DNAH12: variants seen among roughly 807,000 people sequenced by gnomAD.
DNAH12 encodes dynein axonemal heavy chain 12.
A neutral mutation model predicts 371.5 loss-of-function variants in DNAH12; 285 were observed. The observed-to-expected ratio is 0.77, with a 90% confidence interval of 0.70 to 0.85. The LOEUF (loss-of-function observed/expected upper bound fraction) is 0.85. DNAH12 is among the 40% of genes least tolerant of loss of function. The probability of loss-of-function intolerance (pLI) is 0.00; values close to 1 mark genes in which losing one functional copy is unlikely to be tolerated. For synonymous variants in DNAH12, 1,200 were observed against 1,213.0 expected (o/e 0.99, Z 0.22); for missense variants, 3,611 against 3,689.4 (o/e 0.98, Z 0.55).
At chr3:57,386,714 C>T (rs2063505901) in intron 46 of DNAH12, 111 bp from the exon 47 acceptor site, 1 of 152,182 alleles carries the variant, frequency 6.6e-6, no homozygotes, top group South Asian at 2.1e-4. Context: ...TATACAGAAG[C>T]TACTGAGTAC....
chr3:57,427,631 G>A (rs9810958), intron 34 of DNAH12, among the ~76,000 whole-genome samples: 13,411 of 151,954 alleles, frequency 0.088, 2,010 homozygotes, highest in African/African-American at 0.3. Context: ...CAGAGGTTGC[G>A]GTGAACCAAG....
chr3:57,554,864 G>A, the DNAH12 span, among the ~76,000 whole-genome samples: 3 of 151,782 alleles, frequency 2.0e-5, no homozygotes, highest in Admixed American at 6.6e-5. Context: ...CGATCCACCC[G>A]CCTCAGCCTC....
intron 49 of DNAH12, among the ~76,000 whole-genome samples, chr3:57,384,244 T>A (rs2063455663): frequency 6.6e-6 from 1 of 152,166 alleles, no homozygotes. Context: ...ACTTAACATA[T>A]GCCTGCTGGT....
intron 13 of DNAH12, among the ~76,000 whole-genome samples, chr3:57,475,776 A>C (rs1248994512): frequency 1.3e-5 from 2 of 152,222 alleles, no homozygotes; most frequent in Non-Finnish European, 2.9e-5. Context: ...AATTTAATCC[A>C]TCTCACAATT....
intron 2 of DNAH12, among the ~76,000 whole-genome samples, chr3:57,530,156 G>A (rs1159317483): frequency 6.6e-6 from 1 of 152,054 alleles, no homozygotes; most frequent in African/African-American, 2.4e-5. Flanking sequence ...TTTTTTGAAT[G>A]TTTAAGCTGG....
rs1409057930 is a variant in DNAH12, at chr3:57,309,701, T to C, written c.11050A>G (p.Ile3684Val). ...ATATCTTTGGTAATTTCTAACAGAA[T>C]CTGATCAGTACTTCCTGAGGCTCCT... is the stretch of plus-strand genomic sequence containing the variant. ...QTGASGSTDQILLEITKDILN... is the reference protein window; with the variant it reads ...QTGASGSTDQVLLEITKDILN... Residue 3684 changes from isoleucine (I) to valine (V), a missense_variant, in exon 68 of 74, where the codon ATT becomes GTT. Transcript: ENST00000495027. 5 of 1,538,602 alleles carry C rather than the reference T, an allele frequency of 3.2e-6. No individual in the cohort carries two copies. The highest frequency in any genetic ancestry group is 4.4e-6 in the Non-Finnish European group (5 of 1,143,234).
Position 57,420,518 on chromosome 3 carries a change from T to A in DNAH12, c.5562+1000A>T, listed in dbSNP as rs7609829. On this transcript the variant is annotated intron_variant, in intron 36 of 73. Transcript: ENST00000495027. Reference sequence around the variant, plus strand: ...TTTACAGTCAAAAGATTTACAAGGTTAAGAAAAACAGCATTTCCCTACTGT... The same window carrying A: ...TTTACAGTCAAAAGATTTACAAGGTAAAGAAAAACAGCATTTCCCTACTGT... 4.6e-3 allele frequency among the ~76,000 whole-genome samples: 706 copies of A among 152,296 alleles called. 3 individuals are homozygous for A. The highest frequency in any genetic ancestry group is 0.015 in the African/African-American group (632 of 41,568).
Position 57,356,444 on chromosome 3 carries a change from AAAATAAATAAAT to A in DNAH12, c.9533+720_9533+731del, listed in dbSNP as rs1174174898. On this transcript the variant is annotated intron_variant, in intron 59 of 73. Coordinates refer to ENST00000495027, the MANE Select transcript of DNAH12 (RefSeq NM_001366028.2). ...GGTGACAGAGTGAGACCTTGTCTCAAAAATAAATAAATAAATAAATAAATAAATAAATAAATA... is the reference window on the plus strand; with the variant it reads ...GGTGACAGAGTGAGACCTTGTCTCAAAAATAAATAAATAAATAAATAAATA... Among the ~76,000 whole-genome samples the A allele has an allele frequency of 6.5e-3, 897 of 137,884 alleles. 3 individuals are homozygous for A. The highest frequency in any genetic ancestry group is 0.027 in the East Asian group (128 of 4,680). The allele number at this position is 137,884 out of a possible 152,430, so 90.5% of individuals were successfully genotyped here.
chr3:57,456,672 G>A (rs181197635), intron 22 of DNAH12, among the ~76,000 whole-genome samples: 1 of 152,244 alleles, frequency 6.6e-6, no homozygotes, highest in East Asian at 1.9e-4. Context: ...ATCCACATGT[G>A]CTAATGTGCA....
chr3:57,379,785 G>T (rs933603678), intron 51 of DNAH12, among the ~76,000 whole-genome samples: 23 of 130,414 alleles, frequency 1.8e-4, no homozygotes, highest in Non-Finnish European at 3.1e-4. Flanking sequence ...AGGTTGCAGT[G>T]AGCCAAGATC....
chr3:57,504,229 T>C (rs757645899), intron 8 of DNAH12, 25 bp from the exon 9 acceptor site: 146 of 1,582,132 alleles, frequency 9.2e-5, no homozygotes, highest in Non-Finnish European at 1.2e-4. Flanking sequence ...TCACTGTTAC[T>C]TTAGAGAGTA....
intron 23 of DNAH12, 119 bp from the exon 24 acceptor site, chr3:57,453,522 T>C: frequency 1.1e-6 from 1 of 940,410 alleles, no homozygotes; most frequent in Non-Finnish European, 1.5e-6. Context: ...AATATAGAAA[T>C]GAGTTCAAGC....
chr3:57,393,468 A>C (rs1467353338), intron 44 of DNAH12, among the ~76,000 whole-genome samples: 1 of 151,854 alleles, frequency 6.6e-6, no homozygotes, highest in African/African-American at 2.4e-5. Flanking sequence ...TCTACTGAAA[A>C]TACAAAAATT....
chr3:57,503,005 T>C (rs2067612594), intron 9 of DNAH12, among the ~76,000 whole-genome samples: 2 of 152,364 alleles, frequency 1.3e-5, no homozygotes, highest in Admixed American at 6.5e-5. Flanking sequence ...TACTATATTT[T>C]AAAACATTCT....
chr3:57,451,598 C>T lies in DNAH12; in HGVS notation c.3786+1245G>A, dbSNP rs544294839. On this transcript the variant is annotated intron_variant, in intron 25 of 73. Coordinates refer to ENST00000495027, the MANE Select transcript of DNAH12 (RefSeq NM_001366028.2). ...AGGTTGCAGTGAGCCATGATGGCGC[C>T]ACTGCATTCCAGCCTGGGCGGCAGA... Among the ~76,000 whole-genome samples, 329 of 152,322 alleles carry T rather than the reference C, an allele frequency of 2.2e-3. 1 individual carries two copies. The highest frequency in any genetic ancestry group is 3.9e-3 in the Non-Finnish European group (264 of 68,034).
chr3:57,329,892 A>C (rs1411491960), intron 62 of DNAH12, among the ~76,000 whole-genome samples: 2 of 152,236 alleles, frequency 1.3e-5, no homozygotes, highest in Non-Finnish European at 2.9e-5. Context: ...CCCATCCAAA[A>C]GTGGGCAAAG....
At chr3:57,310,570 T>A in intron 67 of DNAH12, 147 bp downstream of exon 67, 1 of 676,934 alleles carries the variant, frequency 1.5e-6, no homozygotes, top group East Asian at 2.8e-5. Context: ...ACTTTTCTAA[T>A]TTTCAGTAAT....
intron 12 of DNAH12, 62 bp from the exon 13 acceptor site, chr3:57,483,573 T>A (rs1050343273): frequency 2.8e-6 from 4 of 1,452,034 alleles, no homozygotes. Context: ...ATTCAATAAA[T>A]GTGTGTTATG....
the DNAH12 span, among the ~76,000 whole-genome samples, chr3:57,550,022 C>T: frequency 7.2e-5 from 11 of 151,744 alleles, no homozygotes; most frequent in East Asian, 1.7e-3. Flanking sequence ...TCAATAAAAC[C>T]ATAAGGCCAG....
Sources: gnomAD v4.1 joint callset for allele counts (sites outside exome capture counted in the v4.1 genomes callset) on GRCh38, gnomAD v4.1.1 for gene constraint, MANE v1.5 for transcripts, NCBI Gene and HGNC (gene_info 2026-07-23, HGNC 2026-07-21) for gene names.